Variants in TIAM1 observed in about 807,000 individuals in gnomAD.
TIAM1 encodes TIAM Rac1 associated GEF 1.
In TIAM1, 65 loss-of-function variants were observed where a neutral mutation model predicts 163.5. The observed-to-expected ratio is 0.40, with a 90% CI of 0.33 to 0.49. The LOEUF is 0.49. Ranked by LOEUF, TIAM1 falls within the 20% of genes least tolerant of loss-of-function variation. TIAM1 has a pLI of 0.77. For synonymous variants in TIAM1, 833 were observed against 810.1 expected (o/e 1.03, Z -0.48); for missense variants, 1,789 against 2,044.7 (o/e 0.87, Z 2.41).
intron 2 of TIAM1, among the ~76,000 whole-genome samples, chr21:31,461,002 T>G (rs189059786): frequency 2.0e-5 from 3 of 152,170 alleles, no homozygotes; most frequent in Non-Finnish European, 4.4e-5. Flanking sequence ...TAAAACAAGA[T>G]GAATTCCATT....
At chr21:31,283,793 T>G (rs57289683) in intron 2 of TIAM1, among the ~76,000 whole-genome samples, 1 of 151,948 alleles carries the variant, frequency 6.6e-6, no homozygotes, top group Non-Finnish European at 1.5e-5. Flanking sequence ...CCACCCTCCT[T>G]GGCTTCCCAA....
intron 2 of TIAM1, among the ~76,000 whole-genome samples, chr21:31,407,713 G>A (rs1475706700): frequency 7.3e-6 from 1 of 136,348 alleles, no homozygotes; most frequent in African/African-American, 2.8e-5. Context: ...TTGGCTTGCT[G>A]CAACCTCCAC....
At chr21:31,408,964 C>T (rs1025317326) in intron 2 of TIAM1, among the ~76,000 whole-genome samples, 1 of 151,600 alleles carries the variant, frequency 6.6e-6, no homozygotes, top group East Asian at 1.9e-4. Flanking sequence ...TCTCAGCCAC[C>T]GAAACACCAT....
chr21:31,207,859 G>C (rs1285369095), intron 11 of TIAM1, among the ~76,000 whole-genome samples: 1 of 152,298 alleles, frequency 6.6e-6, no homozygotes, highest in East Asian at 1.9e-4. Flanking sequence ...CAAAGTACTG[G>C]GATTACAGGT....
intron 2 of TIAM1, among the ~76,000 whole-genome samples, chr21:31,363,581 C>T (rs897149450): frequency 6.6e-6 from 1 of 152,076 alleles, no homozygotes; most frequent in Non-Finnish European, 1.5e-5. Context: ...TTTAAAACTG[C>T]ACCTTACATG....
At chr21:31,283,757 G>A (rs530301597) in intron 2 of TIAM1, among the ~76,000 whole-genome samples, 7 of 152,122 alleles carry the variant, frequency 4.6e-5, no homozygotes, top group Middle Eastern at 3.4e-3. Flanking sequence ...GGTCAGGCTG[G>A]TCTCAAACTC....
Position 31,130,271 on chromosome 21 carries a change from G to C in TIAM1, c.3987C>G (p.Phe1329Leu), listed in dbSNP as rs766828950. The C allele has an allele frequency of 1.2e-6, 2 of 1,614,022 alleles. No homozygotes were observed. Reference protein sequence around the residue: ...RLSIYEDWDPFRFRHMIPTEA... With the variant: ...RLSIYEDWDPLRFRHMIPTEA... ...CCGTGGGGATCATGTGTCGAAATCT[G>C]AAGGGGTCCCAGTCCTCATAAATGG... The change falls in exon 25 of 28, where the codon TTC becomes TTG. Residue 1329 changes from phenylalanine (F) to leucine (L), a missense_variant. Phe to Leu is a conservative substitution (Grantham distance 22, BLOSUM62 0). Coordinates refer to ENST00000541036, the MANE Select transcript of TIAM1 (RefSeq NM_001353694.2).
At chr21:31,257,523 A>G (rs184448491) in intron 4 of TIAM1, among the ~76,000 whole-genome samples, 123 of 151,288 alleles carry the variant, frequency 8.1e-4, no homozygotes, top group Admixed American at 3.0e-3. Flanking sequence ...CCTCCTCACT[A>G]TCCATAATAT....
At chr21:31,131,865 G>A (rs2082423306) in intron 23 of TIAM1, among the ~76,000 whole-genome samples, 1 of 152,202 alleles carries the variant, frequency 6.6e-6, no homozygotes, top group South Asian at 2.1e-4. Context: ...AGAGACTTGA[G>A]AGAGATGCCT....
intron 2 of TIAM1, among the ~76,000 whole-genome samples, chr21:31,422,882 G>A (rs2043627880): frequency 6.6e-6 from 1 of 152,010 alleles, no homozygotes; most frequent in Non-Finnish European, 1.5e-5. Flanking sequence ...CATGCTTAAG[G>A]GAGAATCATC....
intron 8 of TIAM1, among the ~76,000 whole-genome samples, chr21:31,222,491 C>A (rs752388815): frequency 8.6e-5 from 13 of 151,816 alleles, no homozygotes; most frequent in South Asian, 2.1e-4. Context: ...CTTCCTCAAG[C>A]AATGCATATA....
chr21:31,451,724 T>C (rs797020289), intron 2 of TIAM1, among the ~76,000 whole-genome samples: 59,724 of 127,924 alleles, frequency 0.47, 12,324 homozygotes, highest in Non-Finnish European at 0.5. Context: ...TGTGCGTGTG[T>C]GTGTGTGTGT....
At chr21:31,522,269 G>A (rs1018461371) in intron 1 of TIAM1, among the ~76,000 whole-genome samples, 4 of 151,454 alleles carry the variant, frequency 2.6e-5, no homozygotes, top group Non-Finnish European at 5.9e-5. Context: ...CACTTTGGGA[G>A]GCCAAGGTGG....
rs80348018 is a variant in TIAM1 at position 31,542,586 on chromosome 21, A to G, written c.-422+16341T>C. Among the ~76,000 whole-genome samples, 966 of 152,274 alleles carry G rather than the reference A, an allele frequency of 6.3e-3. 10 individuals carry two copies. The highest frequency in any genetic ancestry group is 0.021 in the African/African-American group (866 of 41,534). On this transcript the variant is annotated intron_variant, in intron 1 of 28. Coordinates refer to the TIAM1 transcript ENST00000286827. ...CCTCAAGGATCATCCATGATTTTCT[A>G]CACATAGGCTCAGTATCCAGGTACA...
intron 1 of TIAM1, among the ~76,000 whole-genome samples, chr21:31,521,745 A>ACACACACACAC (rs2047595411): frequency 1.4e-5 from 2 of 146,862 alleles, no homozygotes; most frequent in African/African-American, 5.0e-5. Flanking sequence ...CTCACACACA[A>ACACACACACAC]ACACACACAC....
chr21:31,532,879 G>A (rs926315086), intron 1 of TIAM1, among the ~76,000 whole-genome samples: 30 of 152,162 alleles, frequency 2.0e-4, no homozygotes, highest in African/African-American at 6.0e-4. Flanking sequence ...CCTGTAGGTC[G>A]AGGCCACAGT....
chr21:31,519,125 G>A (rs956142105), intron 1 of TIAM1, among the ~76,000 whole-genome samples: 4 of 152,012 alleles, frequency 2.6e-5, no homozygotes, highest in Admixed American at 6.6e-5. Context: ...CCTCAACATG[G>A]AGAAACCCCG....
At chr21:31,480,670 G>A (rs918667791) in intron 1 of TIAM1, among the ~76,000 whole-genome samples, 1 of 152,206 alleles carries the variant, frequency 6.6e-6, no homozygotes, top group African/African-American at 2.4e-5. Context: ...GAGGGAAAGT[G>A]TCTTAGTCTC....
At position 31,182,528 on chromosome 21, in the gene TIAM1, T is replaced by C. The variant is rs1284732852; in HGVS notation, c.2780A>G (p.Tyr927Cys). ...QPSLGLLVRTYPELEEGVELL... is the reference protein window; with the variant it reads ...QPSLGLLVRTCPELEEGVELL... ...CTCCACTCCTTCCTCCAGCTCGGGG[T>C]AGGTCCTCACCAGGAGGCCCAGCGA... The change falls in exon 15 of 28, where the codon TAC becomes TGC. Residue 927 changes from tyrosine (Y) to cysteine (C), a missense_variant. Tyr to Cys is a radical substitution (Grantham distance 194). Coordinates refer to ENST00000541036, the MANE Select transcript of TIAM1 (RefSeq NM_001353694.2). The C allele has an allele frequency of 6.2e-7, 1 of 1,613,822 alleles. No individual in the cohort carries two copies. The highest frequency in any genetic ancestry group is 8.5e-7 in the Non-Finnish European group (1 of 1,179,904).
Sources: allele counts gnomAD v4.1 joint callset (sites outside exome capture counted in the v4.1 genomes callset), GRCh38; gene constraint gnomAD v4.1.1; transcripts MANE v1.5; gene names NCBI Gene and HGNC (gene_info 2026-07-23, HGNC 2026-07-21).